Variants in BLTP3A observed in about 807,000 individuals in gnomAD.
BLTP3A encodes ICBP90 binding protein 1.
chr6:34,847,875 T>C, the BLTP3A span, among the ~76,000 whole-genome samples: 2 of 150,128 alleles, frequency 1.3e-5, no homozygotes, highest in South Asian at 4.2e-4. Context: ...CTTTAAGATG[T>C]ACCATGAGGT....
At chr6:34,806,713 G>C in the BLTP3A span, among the ~76,000 whole-genome samples, 2 of 152,166 alleles carry the variant, frequency 1.3e-5, no homozygotes, top group Non-Finnish European at 2.9e-5. Flanking sequence ...CCAGGCTGGA[G>C]TGCAGTGGCG....
the BLTP3A span, among the ~76,000 whole-genome samples, chr6:34,801,945 G>A: frequency 1.6e-4 from 25 of 152,186 alleles, no homozygotes; most frequent in South Asian, 1.2e-3. Context: ...CATCGTGTTA[G>A]CCAGGATGGT....
the BLTP3A span, among the ~76,000 whole-genome samples, chr6:34,829,228 G>A: frequency 6.6e-6 from 1 of 152,034 alleles, no homozygotes; most frequent in East Asian, 1.9e-4. Context: ...TCACCCAAGA[G>A]AAACTCCATA....
chr6:34,871,244 A>G, the BLTP3A span: 1 of 1,173,780 alleles, frequency 8.5e-7, no homozygotes, highest in Non-Finnish European at 1.2e-6. Context: ...GTGAGGATCA[A>G]GTGAGGAAAT....
chr6:34,846,224 A>G, the BLTP3A span, among the ~76,000 whole-genome samples: 5 of 150,108 alleles, frequency 3.3e-5, no homozygotes, highest in Admixed American at 1.3e-4. Flanking sequence ...AGCTCACTGC[A>G]TCCTCCACTT....
At chr6:34,805,718 A>G in the BLTP3A span, among the ~76,000 whole-genome samples, 2 of 140,362 alleles carry the variant, frequency 1.4e-5, no homozygotes, top group Non-Finnish European at 3.1e-5. Context: ...CCTGGGTGAT[A>G]TAGCAAGACC....
the BLTP3A span, among the ~76,000 whole-genome samples, chr6:34,862,349 C>G: frequency 6.6e-6 from 1 of 151,184 alleles, no homozygotes; most frequent in Non-Finnish European, 1.5e-5. Context: ...GCACTCCAGC[C>G]TGGGTGATAG....
the BLTP3A span, chr6:34,859,169 T>A: frequency 1.9e-6 from 3 of 1,614,104 alleles, no homozygotes; most frequent in Admixed American, 5.0e-5. Context: ...GAAAGTAGCA[T>A]TGAAAATCAG....
chr6:34,812,163 T>A, the BLTP3A span, among the ~76,000 whole-genome samples: 8 of 151,942 alleles, frequency 5.3e-5, no homozygotes, highest in Admixed American at 3.3e-4. Flanking sequence ...ACCCCATGTC[T>A]ACTAAAAATA....
At chr6:34,863,854 C>G in the BLTP3A span, 58 of 699,372 alleles carry the variant, frequency 8.3e-5, no homozygotes, top group African/African-American at 1.0e-3. Flanking sequence ...TCTTTACAGC[C>G]AGTAATAGGT....
chr6:34,858,799 G>C, the BLTP3A span: 1 of 1,614,096 alleles, frequency 6.2e-7, no homozygotes, highest in South Asian at 1.1e-5. Flanking sequence ...GGATGTAGCA[G>C]ATGTTCATAT....
chr6:34,811,154 A>G, the BLTP3A span, among the ~76,000 whole-genome samples: 1 of 152,160 alleles, frequency 6.6e-6, no homozygotes, highest in Non-Finnish European at 1.5e-5. Flanking sequence ...AATGTGTGTT[A>G]TGTTCAGGGA....
At chr6:34,794,531 T>C in the BLTP3A span, among the ~76,000 whole-genome samples, 1 of 152,162 alleles carries the variant, frequency 6.6e-6, no homozygotes, top group Non-Finnish European at 1.5e-5. Context: ...AATTTTTATA[T>C]AAGATTAAGA....
the BLTP3A span, chr6:34,836,435 A>G: frequency 7.6e-7 from 1 of 1,322,286 alleles, no homozygotes; most frequent in Non-Finnish European, 1.1e-6. Context: ...CTCTTTTCAG[A>G]AGACATTGTG....
At chr6:34,857,351 G>A in the BLTP3A span, 1 of 1,613,942 alleles carries the variant, frequency 6.2e-7, no homozygotes, top group Non-Finnish European at 8.5e-7. Context: ...GGACAGCCAA[G>A]TAAAAAGCCA....
the BLTP3A span, chr6:34,867,163 A>G: frequency 6.7e-7 from 1 of 1,495,104 alleles, no homozygotes; most frequent in Non-Finnish European, 8.9e-7. Flanking sequence ...CATTGTTTGT[A>G]GAGGTTGGAT....
the BLTP3A span, chr6:34,834,130 A>T: frequency 1.5e-6 from 2 of 1,366,620 alleles, no homozygotes. Flanking sequence ...CTGTATTATC[A>T]TTATAAAATA....
the BLTP3A span, among the ~76,000 whole-genome samples, chr6:34,855,196 A>G: frequency 6.6e-6 from 1 of 152,238 alleles, no homozygotes; most frequent in Non-Finnish European, 1.5e-5. Flanking sequence ...ATGAAAGGAA[A>G]TAATATAGGT....
At chr6:34,820,249 C>T in the BLTP3A span, among the ~76,000 whole-genome samples, 11 of 151,752 alleles carry the variant, frequency 7.2e-5, no homozygotes, top group Non-Finnish European at 1.6e-4. Flanking sequence ...CTCTTTTCTT[C>T]ATTTCTCTCA....
Sources: gnomAD v4.1 joint callset for allele counts (sites outside exome capture counted in the v4.1 genomes callset) on GRCh38, gnomAD v4.1.1 for gene constraint, MANE v1.5 for transcripts, NCBI Gene and HGNC (gene_info 2026-07-23, HGNC 2026-07-21) for gene names.